Variants in GCN1 observed in about 807,000 individuals in gnomAD.
The protein encoded by GCN1 is stalled ribosome sensor GCN1.
Under a neutral mutation model 288.4 loss-of-function variants are expected in GCN1, and 90 were observed. The observed-to-expected ratio is 0.31, with a 90% CI of 0.26 to 0.37. The LOEUF (loss-of-function observed/expected upper bound fraction) is 0.37, where lower values mean the gene tolerates loss of function less well. Ranked by LOEUF, GCN1 falls within the 10% of genes least tolerant of loss-of-function variation. GCN1 has a pLI of 1.00. For missense variants in GCN1, 2,586 were observed against 3,419.9 expected (o/e 0.76, Z 6.08); for synonymous variants, 1,386 against 1,420.2 (o/e 0.98, Z 0.54).
In GCN1 at chr12:120,168,279, C is replaced by T; in HGVS notation, c.1541G>A (p.Trp514Ter). The change falls in exon 16 of 58, where the codon TGG becomes TAG. Residue 514 changes from tryptophan to a stop codon, truncating the protein, a stop_gained. Coordinates refer to ENST00000300648, the MANE Select transcript of GCN1 (RefSeq NM_006836.2). LOFTEE classifies it high-confidence loss of function. ...SQAEAKLSSF[W>*]QLIVDEKKQV... ...CTTTTTCTCATCCACAATCAACTGC[C>T]AGAAACTGCTCAGTTTGGCCTCTGC... 6.2e-7 allele frequency: 1 copy of T among 1,607,170 alleles called. No homozygotes were observed. Among genetic ancestry groups the T allele is most frequent in the Non-Finnish European group, 8.5e-7 (1 of 1,173,644 alleles).
chr12:120,149,827 A>G, intron 35 of GCN1, 95 bp downstream of exon 35: 2 of 1,553,458 alleles, frequency 1.3e-6, no homozygotes, highest in Non-Finnish European at 1.8e-6. Flanking sequence ...CTGGGGTTCT[A>G]TTATGTCAGA....
chr12:120,171,249 C>T (rs961407758), intron 14 of GCN1, among the ~76,000 whole-genome samples: 55 of 151,982 alleles, frequency 3.6e-4, no homozygotes, highest in Admixed American at 2.6e-4. Context: ...GCAGATCACC[C>T]GAGGTCAGGA....
chr12:120,174,789 CAAAAAAAAAAAA>C (rs1212428710), intron 12 of GCN1, among the ~76,000 whole-genome samples: 2 of 30,402 alleles, frequency 6.6e-5, no homozygotes, highest in Non-Finnish European at 1.4e-4. Context: ...GACTCCATCT[CAAAAAAAAAAAA>C]AAAAAAAAAG....
At chr12:120,177,367 C>T in intron 9 of GCN1, 80 bp downstream of exon 9, 1 of 730,328 alleles carries the variant, frequency 1.4e-6, no homozygotes, top group Non-Finnish European at 2.4e-6. Context: ...CTACCACACA[C>T]ACTTCTTGTT....
chr12:120,147,078 T>C lies in GCN1; in HGVS notation c.4921A>G (p.Asn1641Asp), dbSNP rs1173490447. 1.3e-6 allele frequency: 2 copies of C among 1,588,246 alleles called. No individual in the cohort carries two copies. Among genetic ancestry groups the C allele is most frequent in the East Asian group, 4.5e-5 (2 of 44,428 alleles). Residue 1641 changes from asparagine to aspartate, a missense_variant, in exon 38 of 58, where the codon AAC (asparagine) becomes GAC (aspartate). By Grantham distance (23) the Asn-to-Asp change is conservative. Coordinates refer to ENST00000300648, the MANE Select transcript of GCN1 (RefSeq NM_006836.2). ...TTCTGGTCTGTCAGGGAGTACATGT[T>C]GCCAATAATCTGGGCTGCCATCTTC... ...TRKMAAQIIGNMYSLTDQKDL... is the reference protein window; with the variant it reads ...TRKMAAQIIGDMYSLTDQKDL...
chr12:120,150,126 C>A, intron 34 of GCN1, 83 bp from the exon 35 acceptor site: 1 of 1,377,378 alleles, frequency 7.3e-7, no homozygotes, highest in Non-Finnish European at 1.0e-6. Flanking sequence ...AGCAACCTCC[C>A]TGCCACCTCC....
chr12:120,160,244 C>G lies in GCN1; in HGVS notation c.2448G>C (p.Lys816Asn). Reference sequence around the variant, plus strand: ...GCACCTCCTCTTTGATGCCTTTCTTCTTCTTTATCTCCTAAAGAGGATGGG... The same window carrying G: ...GCACCTCCTCTTTGATGCCTTTCTTGTTCTTTATCTCCTAAAGAGGATGGG... ...IELELKEEIK[K>N]KKGIKEEVQL... Residue 816 changes from lysine (K) to asparagine (N), a missense_variant, in exon 23 of 58, where the codon AAG becomes AAC. This residue lies in a region of GCN1 where 913 missense variants were observed against 1,107.0 expected (regional missense o/e 0.82). Coordinates refer to ENST00000300648, the MANE Select transcript of GCN1 (RefSeq NM_006836.2). 1 of 1,610,828 alleles carries G rather than the reference C, an allele frequency of 6.2e-7. No homozygotes were observed. The highest frequency in any genetic ancestry group is 8.5e-7 in the Non-Finnish European group (1 of 1,178,622).
At chr12:120,184,282 C>T (rs1194452935) in intron 3 of GCN1, 39 bp from the exon 4 acceptor site, 9 of 1,587,652 alleles carry the variant, frequency 5.7e-6, no homozygotes, top group Non-Finnish European at 7.7e-6. Context: ...ACATGCAGAC[C>T]TCAGGCAGAG....
intron 5 of GCN1, among the ~76,000 whole-genome samples, chr12:120,180,594 ACT>A (rs1878624124): frequency 6.6e-6 from 1 of 150,910 alleles, no homozygotes; most frequent in Admixed American, 6.6e-5. Context: ...ACAGAGAAAG[ACT>A]CTGTCTCAAA....
chr12:120,178,942 C>T lies in GCN1; in HGVS notation c.435G>A (p.Val145=). The change falls in exon 6 of 58, where the codon GTG becomes GTA. Residue 145 remains valine (V), a synonymous_variant. Coordinates refer to ENST00000300648, the MANE Select transcript of GCN1 (RefSeq NM_006836.2). The stretch of plus-strand genomic sequence containing the variant: ...GCACCTCCAGCAAGAGCAGGCACTG[C>T]ACTTCCACCTGCCAGGACCAGGGAA... ...QGDIWNKLVE[V]QCLLLLEVLG... 1.2e-6 allele frequency: 2 copies of T among 1,613,352 alleles called. No homozygotes were observed. The highest frequency in any genetic ancestry group is 8.5e-7 in the Non-Finnish European group (1 of 1,179,792).
At chr12:120,165,034 CACATAT>C (rs773698088) in intron 16 of GCN1, among the ~76,000 whole-genome samples, 10 of 115,058 alleles carry the variant, frequency 8.7e-5, no homozygotes, top group Admixed American at 1.8e-4. Context: ...CACACACACA[CACATAT>C]ATATATATAT....
intron 38 of GCN1, 75 bp downstream of exon 38, chr12:120,146,977 G>T: frequency 1.3e-6 from 1 of 797,150 alleles, no homozygotes; most frequent in African/African-American, 1.7e-5. Flanking sequence ...TGTCTAATGT[G>T]GGGACTCTGC....
chr12:120,154,617 A>G (rs1877679517), intron 31 of GCN1, among the ~76,000 whole-genome samples: 1 of 152,262 alleles, frequency 6.6e-6, no homozygotes, highest in Admixed American at 6.5e-5. Context: ...GGCCTGGGGA[A>G]AAGGAGAAAC....
chr12:120,171,855 A>G (rs991970269), intron 14 of GCN1, among the ~76,000 whole-genome samples: 1 of 152,212 alleles, frequency 6.6e-6, no homozygotes, highest in African/African-American at 2.4e-5. Flanking sequence ...CATTCAATGC[A>G]GCAATAATGC....
chr12:120,158,177 C>G lies in GCN1; in HGVS notation c.2906-147G>C, dbSNP rs199741333. The stretch of plus-strand genomic sequence containing the variant: ...GAAGCACATGGCACGAGGACAGAGA[C>G]AGCAGCTGGTAGTCCAGTTCTAAAA... On this transcript the variant is annotated intron_variant, in intron 25 of 57. Coordinates refer to ENST00000300648, the MANE Select transcript of GCN1 (RefSeq NM_006836.2). The surrounding 1 kb of genome is among the most constrained non-coding windows in gnomAD (Gnocchi z 4.3). 2.6e-6 allele frequency: 2 copies of G among 756,168 alleles called. No individual in the cohort carries two copies. The highest frequency in any genetic ancestry group is 2.7e-5 in the East Asian group (1 of 37,224). The allele number at this position is 756,168 out of a possible 1,614,324, so 46.8% of individuals were successfully genotyped here.
intron 15 of GCN1, 129 bp downstream of exon 15, chr12:120,170,040 T>C: frequency 1.3e-6 from 1 of 784,654 alleles, no homozygotes; most frequent in Non-Finnish European, 2.1e-6. Flanking sequence ...ATCCTGCAGA[T>C]GACAAGCAAA....
chr12:120,192,330 T>C (rs912017880), intron 1 of GCN1, among the ~76,000 whole-genome samples: 14 of 152,214 alleles, frequency 9.2e-5, no homozygotes, highest in Non-Finnish European at 2.1e-4. Context: ...ATGTACTTTC[T>C]TGTGTTTGGG....
chr12:120,137,799 G>C lies in GCN1; in HGVS notation c.6409C>G (p.Gln2137Glu). 2 of 1,613,696 alleles carry C rather than the reference G, an allele frequency of 1.2e-6. No individual in the cohort carries two copies. Among genetic ancestry groups the C allele is most frequent in the South Asian group, 1.1e-5 (1 of 91,072 alleles). The change falls in exon 49 of 58, where the codon CAG (glutamine) becomes GAG (glutamate). Residue 2137 changes from glutamine to glutamate, a missense_variant. Gln to Glu is a conservative substitution (Grantham distance 29, BLOSUM62 2). Around this residue, in one of 8 missense-constraint regions of GCN1, gnomAD observed 437 missense variants for 570.5 expected, o/e 0.77. Coordinates refer to ENST00000300648, the MANE Select transcript of GCN1 (RefSeq NM_006836.2). The surrounding 1 kb of genome is among the most constrained non-coding windows in gnomAD (Gnocchi z 5.2). Reference sequence around the variant, plus strand: ...TCCTCTACGGAGAGGATCACAGCCTGACAATTGGCCATCTCCTGCAAACCA... The same window carrying C: ...TCCTCTACGGAGAGGATCACAGCCTCACAATTGGCCATCTCCTGCAAACCA... ...PDEQLEMANCQAVILSVEDDT... is the reference protein window; with the variant it reads ...PDEQLEMANCEAVILSVEDDT...
At chr12:120,177,803 C>T (rs770794248) in intron 7 of GCN1, 51 bp from the exon 8 acceptor site, 1 of 1,320,408 alleles carries the variant, frequency 7.6e-7, no homozygotes, top group Admixed American at 1.7e-5. Flanking sequence ...AGTATCTCAT[C>T]ACTGGCCTAA....
Sources: allele counts gnomAD v4.1 joint callset (sites outside exome capture counted in the v4.1 genomes callset), GRCh38; gene constraint gnomAD v4.1.1; regional missense constraint gnomAD v4.1.1; non-coding constraint Gnocchi (gnomAD v3.1); transcripts MANE v1.5; gene names NCBI Gene and HGNC (gene_info 2026-07-23, HGNC 2026-07-21).